Variants in ADNP observed in about 807,000 individuals in gnomAD.
The protein encoded by ADNP is activity-dependent neuroprotector homeobox protein.
ADNP carries 4 observed loss-of-function variants against 84.9 expected under a neutral mutation model. The ratio of observed to expected loss-of-function variants is 0.05; its 90% CI spans 0.02 to 0.11. The LOEUF (loss-of-function observed/expected upper bound fraction) is 0.11, where lower values mean the gene tolerates loss of function less well. Ranked by LOEUF, ADNP falls within the 10% of genes least tolerant of loss-of-function variation. The probability of loss-of-function intolerance (pLI) is 1.00; values close to 1 mark genes in which losing one functional copy is unlikely to be tolerated. For missense variants in ADNP, 1,132 were observed against 1,326.0 expected, an observed-to-expected ratio of 0.85 and a Z score of 2.27; for synonymous variants, 554 against 468.1, an observed-to-expected ratio of 1.18 and a Z score of -2.37.
intron 5 of ADNP, among the ~76,000 whole-genome samples, chr20:50,900,706 C>T (rs998555768): frequency 1.1e-4 from 17 of 152,160 alleles, no homozygotes; most frequent in African/African-American, 4.1e-4. Context: ...TAGACAATTA[C>T]AAGAGATAAA....
Position 50,890,711 on chromosome 20 carries a change from A to G in ADNP, c.*694T>C, listed in dbSNP as rs1250254617. ...AGAACAAGAAAAATCCTATAATACA[A>G]GAGAGTCCAGATATATATCTTACGT... On this transcript the variant is annotated 3_prime_UTR_variant, in exon 6 of 6. Coordinates refer to ENST00000621696, the MANE Select transcript of ADNP (RefSeq NM_001282531.3). 1 of 154,572 alleles carries G rather than the reference A, an allele frequency of 6.5e-6. No homozygotes were observed. Among genetic ancestry groups the G allele is most frequent in the Non-Finnish European group, 1.4e-5 (1 of 70,600 alleles). 9.6% of individuals were successfully genotyped at this position (154,572 alleles called of 1,614,324 possible).
chr20:50,914,563 CG>C (rs1486116058), intron 2 of ADNP, among the ~76,000 whole-genome samples: 1 of 152,208 alleles, frequency 6.6e-6, no homozygotes, highest in Non-Finnish European at 1.5e-5. Flanking sequence ...TCTAAACTTA[CG>C]GCTTGCTTTC....
chr20:50,921,761 G>A (rs1983966606), intron 2 of ADNP, among the ~76,000 whole-genome samples: 1 of 152,182 alleles, frequency 6.6e-6, no homozygotes, highest in Non-Finnish European at 1.5e-5. Context: ...CAGAGGTCTG[G>A]CCCCCCGACC....
At position 50,891,662 on chromosome 20, in the gene ADNP, T is replaced by C. The variant is rs780330136; in HGVS notation, c.3052A>G (p.Thr1018Ala). 1 of 1,614,232 alleles carries C rather than the reference T, an allele frequency of 6.2e-7. No individual in the cohort carries two copies. Among genetic ancestry groups the C allele is most frequent in the South Asian group, 1.1e-5 (1 of 91,086 alleles). ...AACTGCTCTCTGTCACCTTGCATGG[T>C]AGCCTTTTTTTTGGCAGCTGGCTTA... ...SSKPAAKKKATMQGDREQLKW... is the reference protein window; with the variant it reads ...SSKPAAKKKAAMQGDREQLKW... The change falls in exon 6 of 6, where the codon ACC becomes GCC. Residue 1018 changes from threonine (T) to alanine (A), a missense_variant. Coordinates refer to ENST00000621696, the MANE Select transcript of ADNP (RefSeq NM_001282531.3).
chr20:50,906,127 G>T (rs758584214), intron 2 of ADNP, among the ~76,000 whole-genome samples: 1 of 152,096 alleles, frequency 6.6e-6, no homozygotes, highest in Non-Finnish European at 1.5e-5. Context: ...CAGGAGAATC[G>T]CTTGAACCCG....
rs538529799 is a variant in ADNP at position 50,892,408 on chromosome 20, C to G, written c.2306G>C (p.Ser769Thr). 2 of 1,614,188 alleles carry G rather than the reference C, an allele frequency of 1.2e-6. No individual in the cohort carries two copies. The highest frequency in any genetic ancestry group is 1.7e-5 in the Admixed American group (1 of 60,018). ...HEDDSYEARK[S>T]FLTKYFNKQP... ...TTTGTTGAAATACTTTGTTAGAAAG[C>G]TTTTCCTGGCTTCATAGGAATCATC... The change falls in exon 6 of 6, where the codon AGC becomes ACC. Residue 769 changes from serine (S) to threonine (T), a missense_variant. Ser to Thr is a moderately conservative substitution (Grantham distance 58). Transcript: ENST00000621696.
chr20:50,923,681 A>G (rs888834046), intron 2 of ADNP, among the ~76,000 whole-genome samples: 7 of 152,016 alleles, frequency 4.6e-5, no homozygotes, highest in Admixed American at 2.0e-4. Context: ...CCACACCAGG[A>G]TAACTTTTGT....
chr20:50,913,950 T>G (rs1983295959), intron 2 of ADNP: 1 of 694,914 alleles, frequency 1.4e-6, no homozygotes, highest in Admixed American at 2.1e-5. Context: ...GAGATTGGTC[T>G]CCTCTTCAGA....
At chr20:50,914,976 ATT>A (rs34708353) in intron 2 of ADNP, among the ~76,000 whole-genome samples, 1 of 149,308 alleles carries the variant, frequency 6.7e-6, no homozygotes, top group African/African-American at 2.4e-5. Flanking sequence ...GTACACGTGT[ATT>A]TTTTTTTTGA....
intron 5 of ADNP, among the ~76,000 whole-genome samples, chr20:50,899,134 G>C (rs996006621): frequency 3.3e-5 from 5 of 151,548 alleles, no homozygotes; most frequent in Non-Finnish European, 7.4e-5. Context: ...GCTAGCTTTT[G>C]GTATATGCAG....
intron 5 of ADNP, among the ~76,000 whole-genome samples, chr20:50,897,698 C>T (rs113656522): frequency 4.7e-4 from 71 of 152,294 alleles, no homozygotes; most frequent in African/African-American, 1.7e-3. Flanking sequence ...TCAGATAGTA[C>T]GCCTTAAAAG....
In ADNP at chr20:50,892,925, CCTTTGGCTGTGG is replaced by C. The variant is rs1568707448; in HGVS notation, c.1777_1788del (p.Pro593_Lys596del). On this transcript the variant is annotated inframe_deletion, in exon 6 of 6. Transcript: ENST00000621696. ...ACAGGGATATCTGCCTTTTCCTGAA[CCTTTGGCTGTGG>C]CTTTGGAGGAACTGGAGGATTATTT... 3 of 1,614,210 alleles carry C rather than the reference CCTTTGGCTGTGG, an allele frequency of 1.9e-6. No individual in the cohort carries two copies. Among genetic ancestry groups the C allele is most frequent in the East Asian group, 2.2e-5 (1 of 44,886 alleles).
At chr20:50,903,156 C>T (rs896039202) in intron 4 of ADNP, among the ~76,000 whole-genome samples, 4 of 152,126 alleles carry the variant, frequency 2.6e-5, no homozygotes, top group Non-Finnish European at 4.4e-5. Flanking sequence ...CCACCTAGAA[C>T]TTAAAGGTTA....
intron 2 of ADNP, among the ~76,000 whole-genome samples, chr20:50,923,047 C>G (rs1984060359): frequency 6.6e-6 from 1 of 151,984 alleles, no homozygotes. Context: ...AGGAGAAGAT[C>G]AGAGATTATT....
intron 2 of ADNP, among the ~76,000 whole-genome samples, chr20:50,924,517 G>A (rs762917896): frequency 2.0e-5 from 3 of 152,192 alleles, no homozygotes; most frequent in Non-Finnish European, 2.9e-5. Context: ...GACATACTCT[G>A]TGGCTCATTT....
Position 50,891,562 on chromosome 20 carries a change from G to A in ADNP, c.3152C>T (p.Ser1051Phe), listed in dbSNP as rs911381790. ...SKDQSQWKNA[S>F]ENDERLSNPQ... ...GTTAGATAAGCGCTCATCATTCTCA[G>A]ATGCATTCTTCCACTGTGACTGGTC... is the stretch of plus-strand genomic sequence containing the variant. The change falls in exon 6 of 6, where the codon TCT (serine) becomes TTT (phenylalanine). Residue 1051 changes from serine (S) to phenylalanine (F), a missense_variant. Coordinates refer to ENST00000621696, the MANE Select transcript of ADNP (RefSeq NM_001282531.3). The A allele has an allele frequency of 6.2e-7, 1 of 1,612,518 alleles. No homozygotes were observed. The highest frequency in any genetic ancestry group is 8.5e-7 in the Non-Finnish European group (1 of 1,180,044).
chr20:50,930,406 G>A (rs1372848859), intron 1 of ADNP, among the ~76,000 whole-genome samples: 1 of 151,990 alleles, frequency 6.6e-6, no homozygotes, highest in Non-Finnish European at 1.5e-5. Context: ...CTGGCAGAAG[G>A]CTGGTTCAAG....
rs888531162 is a variant in ADNP, at chr20:50,930,905, CGGCACGGCGGT to C, written c.-355_-345del. ...GGCGGCGGCGGCGGGCGGATGGCGG[CGGCACGGCGGT>C]GGCGGCAGCGGGGAGGGCGCGCCCG... On this transcript the variant is annotated 5_prime_UTR_variant, in exon 1 of 6. Coordinates refer to ENST00000621696, the MANE Select transcript of ADNP (RefSeq NM_001282531.3). The C allele has an allele frequency of 4.3e-5, 6 of 140,528 alleles. No individual in the cohort carries two copies. Among genetic ancestry groups the C allele is most frequent in the African/African-American group, 1.3e-4 (5 of 38,564 alleles). 8.7% of individuals were successfully genotyped at this position (140,528 alleles called of 1,614,324 possible). A position where few individuals can be genotyped will look rare whatever the true frequency, so the allele number is the denominator to read the frequency against.
At chr20:50,908,532 T>G (rs1430941168) in intron 2 of ADNP, among the ~76,000 whole-genome samples, 1 of 152,152 alleles carries the variant, frequency 6.6e-6, no homozygotes, top group Non-Finnish European at 1.5e-5. Flanking sequence ...CCCAGCACTT[T>G]GGGAGGCCAA....
Sources: allele counts gnomAD v4.1 joint callset (sites outside exome capture counted in the v4.1 genomes callset), GRCh38; gene constraint gnomAD v4.1.1; transcripts MANE v1.5; gene names NCBI Gene and HGNC (gene_info 2026-07-23, HGNC 2026-07-21).